The following HAUS2 variants were observed in gnomAD, a reference collection of about 807,000 sequenced individuals.
HAUS2 encodes HAUS augmin like complex subunit 2, also known as HAUS augmin-like complex subunit 2.
HAUS2 carries 20 observed loss-of-function variants against 21.6 expected under a neutral mutation model. The ratio of observed to expected loss-of-function variants is 0.93; its 90% CI spans 0.65 to 1.35. The LOEUF is 1.35. Ranked by LOEUF, HAUS2 falls within the 40% of genes most tolerant of loss-of-function variation. The probability of loss-of-function intolerance (pLI) is 0.00; values close to 1 mark genes in which losing one functional copy is unlikely to be tolerated. For missense variants in HAUS2, 297 were observed against 280.7 expected, an observed-to-expected ratio of 1.06 and a Z score of -0.42; for synonymous variants, 113 against 95.6, an observed-to-expected ratio of 1.18 and a Z score of -1.06.
chr15:42,565,841 C>T (rs146363559), intron 5 of HAUS2, among the ~76,000 whole-genome samples: 8 of 152,228 alleles, frequency 5.3e-5, no homozygotes, highest in African/African-American at 1.9e-4. Flanking sequence ...ACAAGGGACA[C>T]ATCAAAAATA....
At chr15:42,559,306 T>C (rs1232322417) in intron 2 of HAUS2, 33 bp from the exon 3 acceptor site, 3 of 1,343,098 alleles carry the variant, frequency 2.2e-6, no homozygotes, top group Non-Finnish European at 2.1e-6. Context: ...CACTTTCTGA[T>C]TGAGCTAAAT....
At chr15:42,566,574 A>G in intron 5 of HAUS2, 33 bp from the exon 6 acceptor site, 2 of 1,145,948 alleles carry the variant, frequency 1.7e-6, no homozygotes, top group Non-Finnish European at 1.3e-6. Flanking sequence ...TAAGAGACAT[A>G]ATTTCTCCTG....
intron 4 of HAUS2, 142 bp downstream of exon 4, chr15:42,561,544 A>G: frequency 1.7e-6 from 1 of 593,394 alleles, no homozygotes; most frequent in Non-Finnish European, 3.0e-6. Context: ...TTAAATCAGA[A>G]AGAAAATCTT....
Position 42,550,952 on chromosome 15 carries a change from C to CAGTG in HAUS2, c.93+1987_93+1988insAGTG, listed in dbSNP as rs535649819. ...AAAGTGCTGGGATTACAGGCGTGAG[C>CAGTG]CACTGCACCCGGCCCTCTCCTGTAT... On this transcript the variant is annotated intron_variant, in intron 1 of 5. Coordinates refer to ENST00000260372, the MANE Select transcript of HAUS2 (RefSeq NM_018097.3). Among the ~76,000 whole-genome samples the CAGTG allele has an allele frequency of 2.0e-3, 305 of 151,854 alleles. 1 individual carries two copies. The highest frequency in any genetic ancestry group is 0.01 in the Middle Eastern group (3 of 294).
intron 1 of HAUS2, among the ~76,000 whole-genome samples, chr15:42,552,597 G>A (rs2057736973): frequency 6.6e-6 from 1 of 152,166 alleles, no homozygotes; most frequent in Admixed American, 6.6e-5. Flanking sequence ...GCTATCTGTA[G>A]GATAATGGGG....
intron 2 of HAUS2, among the ~76,000 whole-genome samples, chr15:42,558,579 G>A (rs1479651351): frequency 1.3e-5 from 2 of 151,714 alleles, no homozygotes; most frequent in African/African-American, 2.4e-5. Flanking sequence ...TGCCCGCCTC[G>A]GCCTCCCAAA....
At chr15:42,563,628 T>C (rs1204021387) in intron 4 of HAUS2, 121 bp from the exon 5 acceptor site, 12 of 665,872 alleles carry the variant, frequency 1.8e-5, no homozygotes, top group Non-Finnish European at 3.2e-5. Context: ...AAGGTTGTTA[T>C]TGGCTCTCTA....
At chr15:42,565,628 G>A (rs559320744) in intron 5 of HAUS2, among the ~76,000 whole-genome samples, 6 of 152,188 alleles carry the variant, frequency 3.9e-5, no homozygotes, top group Admixed American at 1.3e-4. Flanking sequence ...CAGAATCTAC[G>A]TTTTAACAAG....
Position 42,569,715 on chromosome 15 carries a change from T to C in HAUS2, c.*2899T>C, listed in dbSNP as rs533467826. 1 of 152,336 alleles carries C rather than the reference T, an allele frequency of 6.6e-6. No individual in the cohort carries two copies. The highest frequency in any genetic ancestry group is 1.9e-4 in the East Asian group (1 of 5,192). The allele number at this position is 152,336 out of a possible 1,614,324, so 9.4% of individuals were successfully genotyped here. A position where few individuals can be genotyped will look rare whatever the true frequency, so the allele number is the denominator to read the frequency against. Reference sequence around the variant, plus strand: ...CTGCTAAAACAACAGGAATCATGTTTTAAAGCCTAGTTTGCTAATTTTTGC... The same window carrying C: ...CTGCTAAAACAACAGGAATCATGTTCTAAAGCCTAGTTTGCTAATTTTTGC... On this transcript the variant is annotated 3_prime_UTR_variant, in exon 6 of 6. Coordinates refer to ENST00000260372, the MANE Select transcript of HAUS2 (RefSeq NM_018097.3).
rs994102231 is a variant in HAUS2 at position 42,569,784 on chromosome 15, C to T, written c.*2968C>T. The T allele has an allele frequency of 6.6e-6, 1 of 152,170 alleles. No homozygotes were observed. The highest frequency in any genetic ancestry group is 2.4e-5 in the African/African-American group (1 of 41,434). The allele number at this position is 152,170 out of a possible 1,614,324, so 9.4% of individuals were successfully genotyped here. A position where few individuals can be genotyped will look rare whatever the true frequency, so the allele number is the denominator to read the frequency against. Reference sequence around the variant, plus strand: ...CGTAATATCTCGAACATTACATAGACACTTAAAACCTTTAGTTGTATTTCA... The same window carrying T: ...CGTAATATCTCGAACATTACATAGATACTTAAAACCTTTAGTTGTATTTCA... On this transcript the variant is annotated 3_prime_UTR_variant, in exon 6 of 6. Coordinates refer to ENST00000260372, the MANE Select transcript of HAUS2 (RefSeq NM_018097.3).
At chr15:42,554,179 C>T (rs999407633) in intron 1 of HAUS2, among the ~76,000 whole-genome samples, 5 of 152,112 alleles carry the variant, frequency 3.3e-5, no homozygotes, top group South Asian at 2.1e-4. Context: ...CATTCTCATC[C>T]TTACCTGGAA....
At chr15:42,558,381 G>T (rs1280978577) in intron 2 of HAUS2, 91 bp downstream of exon 2, 7 of 581,346 alleles carry the variant, frequency 1.2e-5, no homozygotes, top group African/African-American at 1.0e-4. Flanking sequence ...AGGCTGGAGT[G>T]CAGTGGCACA....
intron 1 of HAUS2, among the ~76,000 whole-genome samples, chr15:42,552,596 A>C (rs1245302343): frequency 1.3e-5 from 2 of 152,212 alleles, no homozygotes; most frequent in Non-Finnish European, 2.9e-5. Flanking sequence ...GGCTATCTGT[A>C]GGATAATGGG....
intron 1 of HAUS2, among the ~76,000 whole-genome samples, chr15:42,556,205 A>G (rs1344589288): frequency 1.6e-5 from 2 of 126,676 alleles, no homozygotes; most frequent in Non-Finnish European, 3.2e-5. Context: ...CAGGTAATCC[A>G]CTTGCCATGG....
chr15:42,557,317 A>AAATATATATATTTTATATAT (rs2057789179), intron 1 of HAUS2, among the ~76,000 whole-genome samples: 1 of 42,640 alleles, frequency 2.3e-5, no homozygotes, highest in Non-Finnish European at 6.5e-5. Context: ...CTCCATTTAA[A>AAATATATATATTTTATATAT]AATATATATA....
rs1301332229 is a variant in HAUS2, at chr15:42,568,520, A to G, written c.*1704A>G. 6.6e-6 allele frequency: 1 copy of G among 152,266 alleles called. No individual in the cohort carries two copies. Among genetic ancestry groups the G allele is most frequent in the East Asian group, 1.9e-4 (1 of 5,202 alleles). The allele number at this position is 152,266 out of a possible 1,614,324, so 9.4% of individuals were successfully genotyped here. A position where few individuals can be genotyped will look rare whatever the true frequency, so the allele number is the denominator to read the frequency against. ...TCATAACACTTTTACAATGTCAATTAAATTTCCAACACTTGAACTTTGGGG... is the reference window on the plus strand; with the variant it reads ...TCATAACACTTTTACAATGTCAATTGAATTTCCAACACTTGAACTTTGGGG... On this transcript the variant is annotated 3_prime_UTR_variant, in exon 6 of 6. Coordinates refer to ENST00000260372, the MANE Select transcript of HAUS2 (RefSeq NM_018097.3).
chr15:42,565,387 A>ATGTGTGTGTGTGTGTGTGTGTG (rs139933934), intron 5 of HAUS2, among the ~76,000 whole-genome samples: 1 of 136,396 alleles, frequency 7.3e-6, no homozygotes, highest in Non-Finnish European at 1.6e-5. Context: ...GAGCCATTGA[A>ATGTGTGTGTGTGTGTGTGTGTG]TGTGTGTGTG....
intron 3 of HAUS2, 86 bp from the exon 4 acceptor site, chr15:42,561,184 G>T (rs2141602289): frequency 1.3e-6 from 1 of 775,546 alleles, no homozygotes; most frequent in East Asian, 2.5e-5. Context: ...TTTTTGACAT[G>T]GGTAGTGTCA....
intron 4 of HAUS2, 111 bp from the exon 5 acceptor site, chr15:42,563,638 A>C: frequency 5.7e-6 from 4 of 700,112 alleles, no homozygotes; most frequent in Non-Finnish European, 1.0e-5. Context: ...TTGGCTCTCT[A>C]GGTTGATTGT....
Sources: gnomAD v4.1 joint callset for allele counts (sites outside exome capture counted in the v4.1 genomes callset) on GRCh38, gnomAD v4.1.1 for gene constraint, MANE v1.5 for transcripts, NCBI Gene and HGNC (gene_info 2026-07-23, HGNC 2026-07-21) for gene names.